CCDC3: variants seen among roughly 807,000 people sequenced by gnomAD.
CCDC3 encodes coiled-coil domain-containing protein 3.
Under a neutral mutation model 21.4 loss-of-function variants are expected in CCDC3, and 24 were observed. That is an observed-to-expected ratio of 1.12 (90% CI 0.81 to 1.58). The LOEUF (loss-of-function observed/expected upper bound fraction) is 1.58. Ranked by LOEUF, CCDC3 falls within the 40% of genes most tolerant of loss-of-function variation. The probability of loss-of-function intolerance (pLI) is 0.00; values close to 1 mark genes in which losing one functional copy is unlikely to be tolerated. For missense variants in CCDC3, 425 were observed against 360.9 expected (o/e 1.18, Z -1.44); for synonymous variants, 186 against 166.0 (o/e 1.12, Z -0.93).
chr10:13,002,960 T>A (rs1316112670), upstream of CCDC3, among the ~76,000 whole-genome samples: 1 of 152,226 alleles, frequency 6.6e-6, no homozygotes, highest in Non-Finnish European at 1.5e-5. Flanking sequence ...TCACTAGTCC[T>A]ATGGGGTTAT....
chr10:13,077,403 A>G (rs1311600407), intron 3 of CCDC3, among the ~76,000 whole-genome samples: 1 of 152,252 alleles, frequency 6.6e-6, no homozygotes, highest in African/African-American at 2.4e-5. Context: ...ATGGATAGGA[A>G]GAATCAATAT....
At chr10:13,032,764 C>T (rs1178154626) in intron 5 of CCDC3, among the ~76,000 whole-genome samples, 1 of 152,094 alleles carries the variant, frequency 6.6e-6, no homozygotes, top group African/African-American at 2.4e-5. Context: ...GAATAAAATA[C>T]CTAGGAATCC....
At chr10:13,090,034 G>GATAGATAGAT (rs1259341208) in intron 3 of CCDC3, among the ~76,000 whole-genome samples, 1 of 129,170 alleles carries the variant, frequency 7.7e-6, no homozygotes, top group African/African-American at 3.0e-5. Context: ...TATTCCGTTA[G>GATAGATAGAT]ATATATATAT....
chr10:13,026,941 G>A (rs188703332), intron 5 of CCDC3, among the ~76,000 whole-genome samples: 18 of 152,224 alleles, frequency 1.2e-4, no homozygotes, highest in African/African-American at 1.7e-4. Flanking sequence ...GAACAGATCC[G>A]TCATTTTACC....
At chr10:13,096,883 T>C (rs1291356595) in intron 3 of CCDC3, among the ~76,000 whole-genome samples, 1 of 152,110 alleles carries the variant, frequency 6.6e-6, no homozygotes, top group Non-Finnish European at 1.5e-5. Flanking sequence ...CCAACTGTTG[T>C]GAAAGCCTCC....
At chr10:12,947,143 CTTT>C (rs66542050) in intron 2 of CCDC3, among the ~76,000 whole-genome samples, 2 of 145,556 alleles carry the variant, frequency 1.4e-5, no homozygotes, top group East Asian at 3.9e-4. Context: ...CTTTTGCTCA[CTTT>C]TTTTTTTTTT....
intron 4 of CCDC3, among the ~76,000 whole-genome samples, chr10:13,071,888 T>TA (rs370435491): frequency 6.2e-4 from 95 of 152,204 alleles, no homozygotes; most frequent in African/African-American, 2.1e-3. Flanking sequence ...TCTTCAGTGA[T>TA]ATATAATGGT....
chr10:12,949,369 C>CT (rs1321383360), intron 2 of CCDC3, among the ~76,000 whole-genome samples: 3 of 152,162 alleles, frequency 2.0e-5, no homozygotes. Context: ...TTCTCTTACT[C>CT]TTTTTTCCTT....
chr10:13,034,804 T>C (rs1271672804), intron 5 of CCDC3, among the ~76,000 whole-genome samples: 1 of 151,910 alleles, frequency 6.6e-6, no homozygotes. Context: ...GTGGGTGGAT[T>C]GCTTGAGGTC....
chr10:13,056,902 G>A (rs1249905282), intron 4 of CCDC3, among the ~76,000 whole-genome samples: 1 of 152,172 alleles, frequency 6.6e-6, no homozygotes, highest in Non-Finnish European at 1.5e-5. Context: ...ATTAATTAAG[G>A]CAGCTGAGTA....
At chr10:13,068,749 A>G (rs1836850407) in intron 4 of CCDC3, among the ~76,000 whole-genome samples, 1 of 152,222 alleles carries the variant, frequency 6.6e-6, no homozygotes, top group African/African-American at 2.4e-5. Context: ...GTTCTACATA[A>G]AAGTTAAAAA....
At chr10:13,002,324 G>A (rs1045649328), upstream of CCDC3, among the ~76,000 whole-genome samples, 1 of 152,200 alleles carries the variant, frequency 6.6e-6, no homozygotes, top group African/African-American at 2.4e-5. Context: ...ATCAGTGAGT[G>A]AATTTGAGGA....
At chr10:13,052,842 T>G (rs902363893) in intron 4 of CCDC3, among the ~76,000 whole-genome samples, 9 of 151,884 alleles carry the variant, frequency 5.9e-5, no homozygotes, top group Non-Finnish European at 1.0e-4. Context: ...GACCTGAGGC[T>G]GAGGCAGAAG....
chr10:13,055,372 C>A (rs1455915325), intron 4 of CCDC3, among the ~76,000 whole-genome samples: 2 of 151,560 alleles, frequency 1.3e-5, no homozygotes, highest in Non-Finnish European at 2.9e-5. Flanking sequence ...CACTCTGTCA[C>A]CCAGGCTGGA....
intron 5 of CCDC3, among the ~76,000 whole-genome samples, chr10:13,038,860 C>A (rs530627792): frequency 6.6e-4 from 101 of 152,338 alleles, no homozygotes; most frequent in African/African-American, 2.1e-3. Flanking sequence ...CACCATCCTG[C>A]AGCACTTATG....
At chr10:13,049,635 G>A (rs997884265) in intron 5 of CCDC3, 2 of 152,134 alleles carry the variant, frequency 1.3e-5, no homozygotes, top group Non-Finnish European at 2.9e-5. Flanking sequence ...GCCCTTTTAT[G>A]GGAAAACAAA....
At chr10:13,020,250 A>C (rs753088161) in intron 5 of CCDC3, among the ~76,000 whole-genome samples, 4 of 152,182 alleles carry the variant, frequency 2.6e-5, no homozygotes, top group Non-Finnish European at 4.4e-5. Flanking sequence ...CATTTGTTTC[A>C]CACAAATTCA....
At chr10:12,912,148 C>T (rs1202360370) in intron 2 of CCDC3, among the ~76,000 whole-genome samples, 1 of 152,068 alleles carries the variant, frequency 6.6e-6, no homozygotes, top group Non-Finnish European at 1.5e-5. Context: ...TGGATGTATA[C>T]CCAGTAGTGG....
intron 2 of CCDC3, among the ~76,000 whole-genome samples, chr10:12,970,258 G>A (rs1269923491): frequency 2.0e-5 from 3 of 152,086 alleles, no homozygotes; most frequent in Admixed American, 6.5e-5. Flanking sequence ...ACTGCATATC[G>A]CGGCAACTAC....
Sources: gnomAD v4.1 joint callset for allele counts (sites outside exome capture counted in the v4.1 genomes callset) on GRCh38, gnomAD v4.1.1 for gene constraint, MANE v1.5 for transcripts, NCBI Gene and HGNC (gene_info 2026-07-23, HGNC 2026-07-21) for gene names.